MROH1: variants seen among roughly 807,000 people sequenced by gnomAD.
MROH1 encodes the protein maestro heat-like repeat-containing protein family member 1.
MROH1 carries 117 observed loss-of-function variants against 116.5 expected under a neutral mutation model. The ratio of observed to expected loss-of-function variants is 1.00; its 90% CI spans 0.86 to 1.17. The LOEUF is 1.17. MROH1 is among the 50% of genes most tolerant of loss of function. The pLI is 0.00. For missense variants in MROH1, 1,873 were observed against 1,338.5 expected (o/e 1.40, Z -6.23); for synonymous variants, 921 against 583.9 (o/e 1.58, Z -8.32).
At chr8:144,178,433 G>A (rs1431243750) in intron 4 of MROH1, among the ~76,000 whole-genome samples, 2 of 142,202 alleles carry the variant, frequency 1.4e-5, no homozygotes, top group Admixed American at 1.4e-4. Flanking sequence ...CGCACGGCCT[G>A]TACTTTTTTT....
chr8:144,225,011 CTTTT>C (rs1200592668), intron 14 of MROH1, among the ~76,000 whole-genome samples: 2 of 147,964 alleles, frequency 1.4e-5, no homozygotes, highest in African/African-American at 4.9e-5. Flanking sequence ...ACCTAACTTT[CTTTT>C]TTTTTTTCCA....
Position 144,182,504 on chromosome 8 carries a change from T to C in MROH1, c.562+1981T>C, listed in dbSNP as rs1175434337. 2.0e-5 allele frequency among the ~76,000 whole-genome samples: 3 copies of C among 152,200 alleles called. No individual in the cohort carries two copies. The highest frequency in any genetic ancestry group is 4.4e-5 in the Non-Finnish European group (3 of 68,052). Reference sequence around the variant, plus strand: ...AGGAAAATAAGTGGGCATCATGCATTCACGGGACAAGAGGTGTCACCATGG... The same window carrying C: ...AGGAAAATAAGTGGGCATCATGCATCCACGGGACAAGAGGTGTCACCATGG... On this transcript the variant is annotated intron_variant, in intron 7 of 43. Transcript: ENST00000326134. The surrounding 1 kb of genome is among the most constrained non-coding windows in gnomAD (Gnocchi z 4.1).
In MROH1 at chr8:144,220,674, G is replaced by A; in HGVS notation, c.1215+1G>A. ...TCCTCTCCTGGACACCAACAGCAAG[G>A]TAAACCACATGGGCCAGCCCAGGCT... On this transcript the variant is annotated splice_donor_variant, in intron 13 of 43. Coordinates refer to ENST00000326134, the MANE Select transcript of MROH1 (RefSeq NM_032450.3). LOFTEE classifies it high-confidence loss of function. The A allele has an allele frequency of 6.4e-7, 1 of 1,570,066 alleles. No individual in the cohort carries two copies. Among genetic ancestry groups the A allele is most frequent in the Non-Finnish European group, 8.6e-7 (1 of 1,157,816 alleles).
intron 33 of MROH1, among the ~76,000 whole-genome samples, chr8:144,253,203 G>T (rs1843136248): frequency 6.6e-6 from 1 of 151,802 alleles, no homozygotes; most frequent in African/African-American, 2.4e-5. Flanking sequence ...CTGCCACCCC[G>T]TGAGCTAAGG....
Position 144,250,104 on chromosome 8 carries a change from C to T in MROH1, c.3274-108C>T. On this transcript the variant is annotated intron_variant, in intron 32 of 43. Transcript: ENST00000326134. ...AGGCTGGAACCAGCAGTATGGAGCT[C>T]TGCATCTCATGGGGCTCCCTCATGG... The T allele has an allele frequency of 1.0e-5, 7 of 696,590 alleles. No individual in the cohort carries two copies. The Admixed American group carries it at 1.4e-4, about 14-fold the overall frequency. The allele number at this position is 696,590 out of a possible 1,614,324, so 43.2% of individuals were successfully genotyped here. A position where few individuals can be genotyped will look rare whatever the true frequency, so the allele number is the denominator to read the frequency against.
chr8:144,256,499 C>T (rs993361996), intron 35 of MROH1, among the ~76,000 whole-genome samples: 17 of 152,018 alleles, frequency 1.1e-4, no homozygotes, highest in African/African-American at 3.4e-4. Context: ...CAGGCCAGCT[C>T]GTAAAGCCCA....
rs1002822763 is a variant in MROH1 at position 144,260,012 on chromosome 8, G to A, written c.4146G>A (p.Leu1382=). The change falls in exon 38 of 44, where the codon CTG becomes CTA. Residue 1382 remains leucine, a synonymous_variant. Coordinates refer to ENST00000326134, the MANE Select transcript of MROH1 (RefSeq NM_032450.3). ...QKDTCASVRR[L]VLRGLANLAS... ...ACACATGCGCCAGCGTGCGGAGGCT[G>A]GTGCTCCGCGGCCTGGCCAACCTGG... is the stretch of plus-strand genomic sequence containing the variant. 5.5e-6 allele frequency: 4 copies of A among 727,512 alleles called. No individual in the cohort carries two copies. Among genetic ancestry groups the A allele is most frequent in the Admixed American group, 1.9e-5 (1 of 52,370 alleles). 45.1% of individuals were successfully genotyped at this position (727,512 alleles called of 1,614,324 possible). A position where few individuals can be genotyped will look rare whatever the true frequency, so the allele number is the denominator to read the frequency against.
chr8:144,167,572 TG>T (rs1821265532), intron 3 of MROH1, among the ~76,000 whole-genome samples: 1 of 150,848 alleles, frequency 6.6e-6, no homozygotes, highest in Non-Finnish European at 1.5e-5. Context: ...GACTGGTTGT[TG>T]GGGTGGAGTG....
At chr8:144,249,910 T>G (rs1162826820) in intron 32 of MROH1, among the ~76,000 whole-genome samples, 1 of 152,174 alleles carries the variant, frequency 6.6e-6, no homozygotes, top group African/African-American at 2.4e-5. Flanking sequence ...GGCCGCTGGC[T>G]CTGTTGGATG....
chr8:144,257,282 G>A (rs916530510), intron 35 of MROH1, among the ~76,000 whole-genome samples: 3 of 152,192 alleles, frequency 2.0e-5, no homozygotes, highest in East Asian at 1.9e-4. Flanking sequence ...GAGGGAACCC[G>A]TGAGAGAGAG....
In MROH1 at chr8:144,164,093, C is replaced by CT. The variant is rs776748346; in HGVS notation, c.22+263dup. The stretch of plus-strand genomic sequence containing the variant: ...GGATGTGATTTGAAGGTTTGTTTTA[C>CT]TTTTTTTTTTTTTTTTTTAAGACAG... On this transcript the variant is annotated intron_variant, in intron 3 of 43. Transcript: ENST00000326134. 5.3e-3 allele frequency among the ~76,000 whole-genome samples: 713 copies of CT among 135,230 alleles called. 5 individuals are homozygous for CT. The highest frequency in any genetic ancestry group is 0.015 in the African/African-American group (543 of 37,194). 88.7% of individuals were successfully genotyped at this position (135,230 alleles called of 152,430 possible).
chr8:144,241,625 G>T (rs1317564988), intron 22 of MROH1, 108 bp downstream of exon 22: 2 of 760,598 alleles, frequency 2.6e-6, no homozygotes, highest in East Asian at 5.0e-5. Context: ...TTGCGTCCCT[G>T]GACCAATTTT....
intron 12 of MROH1, among the ~76,000 whole-genome samples, chr8:144,218,031 C>T (rs576289982): frequency 0.071 from 9,913 of 140,608 alleles, 485 homozygotes; most frequent in Non-Finnish European, 0.11. Context: ...TGGGTGGCTG[C>T]GTTAGTGGCC....
chr8:144,200,734 C>A, intron 12 of MROH1, 193 bp downstream of exon 12: 1 of 575,174 alleles, frequency 1.7e-6, no homozygotes, highest in Non-Finnish European at 3.1e-6. Context: ...CTACCCTTCG[C>A]CATATGATGG....
chr8:144,149,987 G>A lies in MROH1; in HGVS notation c.-177+1911G>A, dbSNP rs1339791053. 3.3e-5 allele frequency among the ~76,000 whole-genome samples: 5 copies of A among 152,194 alleles called. No individual in the cohort carries two copies. The South Asian group carries it at 6.2e-4, about 19-fold the overall frequency. ...AGAGAAGGTTCCTTGGACCTGACGCGTGGGTGGGGCATTCTGTGACCTCCC... is the reference window on the plus strand; with the variant it reads ...AGAGAAGGTTCCTTGGACCTGACGCATGGGTGGGGCATTCTGTGACCTCCC... On this transcript the variant is annotated intron_variant, in intron 1 of 43. Coordinates refer to ENST00000326134, the MANE Select transcript of MROH1 (RefSeq NM_032450.3).
intron 12 of MROH1, among the ~76,000 whole-genome samples, chr8:144,202,212 T>TGTG: frequency 6.8e-6 from 1 of 147,136 alleles, no homozygotes; most frequent in Non-Finnish European, 1.5e-5. Flanking sequence ...AGGGTGGTGC[T>TGTG]GTGGTGGGCT....
At chr8:144,181,978 C>T (rs557583000) in intron 7 of MROH1, among the ~76,000 whole-genome samples, 1 of 152,356 alleles carries the variant, frequency 6.6e-6, no homozygotes, top group Admixed American at 6.5e-5. Context: ...ACCATGCTGG[C>T]ATTTTCCTCC....
chr8:144,186,177 G>T (rs1265476904), intron 7 of MROH1, among the ~76,000 whole-genome samples: 1 of 148,134 alleles, frequency 6.8e-6, no homozygotes, highest in African/African-American at 2.5e-5. Context: ...CTGGAGTGCA[G>T]TGGTGTGATC....
chr8:144,226,654 T>G (rs1362252971), intron 14 of MROH1, among the ~76,000 whole-genome samples: 2 of 152,110 alleles, frequency 1.3e-5, no homozygotes, highest in Non-Finnish European at 2.9e-5. Flanking sequence ...AGTTTCACTG[T>G]GTTGGCCAGG....
Sources: gnomAD v4.1 joint callset for allele counts (sites outside exome capture counted in the v4.1 genomes callset) on GRCh38, gnomAD v4.1.1 for gene constraint, Gnocchi (gnomAD v3.1) non-coding constraint, MANE v1.5 for transcripts, NCBI Gene and HGNC (gene_info 2026-07-23, HGNC 2026-07-21) for gene names.